The following SLIT3 variants were observed in gnomAD, a reference collection of about 807,000 sequenced individuals.
The protein encoded by SLIT3 is slit guidance ligand 3.
Under a neutral mutation model 184.0 loss-of-function variants are expected in SLIT3, and 68 were observed. The observed-to-expected ratio is 0.37, with a 90% CI of 0.30 to 0.45. The LOEUF is 0.45. Ranked by LOEUF, SLIT3 falls within the 20% of genes least tolerant of loss-of-function variation. SLIT3 has a pLI of 1.00. For missense variants in SLIT3, 1,707 were observed against 2,026.0 expected, an observed-to-expected ratio of 0.84 and a Z score of 3.02; for synonymous variants, 831 against 828.6, an observed-to-expected ratio of 1.00 and a Z score of -0.05.
intron 12 of SLIT3, among the ~76,000 whole-genome samples, chr5:168,777,099 ACACACACCCC>A (rs1490026773): frequency 0.12 from 7,439 of 62,170 alleles, 206 homozygotes; most frequent in East Asian, 0.17. Context: ...ACACACACAC[ACACACACCCC>A]CCATACCACA....
chr5:168,880,441 A>T (rs1561983897), intron 5 of SLIT3, among the ~76,000 whole-genome samples: 1 of 152,190 alleles, frequency 6.6e-6, no homozygotes, highest in Non-Finnish European at 1.5e-5. Flanking sequence ...CACATCTTAT[A>T]CAGTTTTGCC....
intron 5 of SLIT3, among the ~76,000 whole-genome samples, chr5:168,881,685 C>T (rs747545903): frequency 5.2e-4 from 79 of 152,226 alleles, no homozygotes; most frequent in Admixed American, 4.3e-3. Flanking sequence ...ATGCATGGAA[C>T]GAAATACTAG....
At chr5:168,843,149 C>T (rs948492712) in intron 6 of SLIT3, among the ~76,000 whole-genome samples, 2 of 152,126 alleles carry the variant, frequency 1.3e-5, no homozygotes, top group Admixed American at 6.5e-5. Flanking sequence ...CGGGAATTCT[C>T]GGCTTTCATC....
chr5:168,726,378 GAGGGAGGC>G lies in SLIT3; in HGVS notation c.2271-1902_2271-1895del, dbSNP rs1459236237. On this transcript the variant is annotated intron_variant, in intron 20 of 35. Transcript: ENST00000519560. ...GGAGGGAGAGGGAGGCAGGGAGGGA[GAGGGAGGC>G]AGGGAGGCAGAGGGAGGCAGGGAGG... 2.1e-3 allele frequency among the ~76,000 whole-genome samples: 160 copies of G among 74,808 alleles called. 1 individual carries two copies. Among genetic ancestry groups the G allele is most frequent in the African/African-American group, 6.7e-3 (147 of 22,036 alleles). 49.1% of individuals were successfully genotyped at this position (74,808 alleles called of 152,430 possible).
intron 3 of SLIT3, among the ~76,000 whole-genome samples, chr5:169,226,399 AC>A (rs143848784): frequency 2.0e-5 from 3 of 151,846 alleles, no homozygotes; most frequent in African/African-American, 4.8e-5. Flanking sequence ...GATCCCCACT[AC>A]CCCCCTACTC....
chr5:169,129,820 G>A (rs78454646), intron 4 of SLIT3, among the ~76,000 whole-genome samples: 1 of 149,980 alleles, frequency 6.7e-6, no homozygotes, highest in East Asian at 1.9e-4. Flanking sequence ...TTTCTTTGGT[G>A]GTTTTTTTTG....
intron 4 of SLIT3, among the ~76,000 whole-genome samples, chr5:169,107,998 T>A (rs1271658922): frequency 1.3e-5 from 2 of 152,202 alleles, no homozygotes; most frequent in African/African-American, 2.4e-5. Context: ...TCATTTTGAC[T>A]GTTACTTCCC....
chr5:168,900,223 T>C (rs1036177156), intron 4 of SLIT3, among the ~76,000 whole-genome samples: 1 of 152,146 alleles, frequency 6.6e-6, no homozygotes, highest in Non-Finnish European at 1.5e-5. Context: ...TGGAAAACAG[T>C]ATGGTGATTT....
Position 168,666,166 on chromosome 5 carries a change from A to AAAAC in SLIT3, c.*284_*287dup, listed in dbSNP as rs772406859. 4.8e-4 allele frequency: 124 copies of AAAAC among 259,862 alleles called. No homozygotes were observed. Among genetic ancestry groups the AAAAC allele is most frequent in the Non-Finnish European group, 7.7e-4 (108 of 140,618 alleles). 16.1% of individuals were successfully genotyped at this position (259,862 alleles called of 1,614,324 possible). On this transcript the variant is annotated 3_prime_UTR_variant, in exon 36 of 36. Transcript: ENST00000519560. ...TTAAATTTTTAAACAGCTATTTTTA[A>AAAAC]AAACACAACAAATACACAACACAAA...
intron 4 of SLIT3, among the ~76,000 whole-genome samples, chr5:168,950,191 C>G (rs1055792711): frequency 1.3e-5 from 2 of 152,042 alleles, no homozygotes; most frequent in African/African-American, 4.8e-5. Flanking sequence ...AAAGGGACCC[C>G]AGAGAGCTGC....
At chr5:168,912,352 T>C (rs1761278561) in intron 4 of SLIT3, among the ~76,000 whole-genome samples, 3 of 152,230 alleles carry the variant, frequency 2.0e-5, no homozygotes, top group Admixed American at 1.3e-4. Context: ...TCAAAAGTTA[T>C]ATGTGGATTT....
chr5:168,870,807 A>G (rs542420198), intron 5 of SLIT3, among the ~76,000 whole-genome samples: 1 of 152,348 alleles, frequency 6.6e-6, no homozygotes, highest in South Asian at 2.1e-4. Flanking sequence ...CACTGTTGAA[A>G]ATAACTATTT....
chr5:168,994,495 G>A (rs547750821), intron 4 of SLIT3, among the ~76,000 whole-genome samples: 6 of 151,916 alleles, frequency 3.9e-5, no homozygotes, highest in African/African-American at 1.5e-4. Flanking sequence ...CAAATTATCT[G>A]TTTTCACACC....
intron 28 of SLIT3, among the ~76,000 whole-genome samples, chr5:168,695,491 T>C (rs1356696945): frequency 6.6e-6 from 1 of 152,232 alleles, no homozygotes; most frequent in East Asian, 1.9e-4. Context: ...CTTCCCAAAC[T>C]TCTTGTCTCA....
chr5:169,151,257 T>A (rs1162888572), intron 4 of SLIT3, among the ~76,000 whole-genome samples: 5 of 152,210 alleles, frequency 3.3e-5, no homozygotes, highest in Non-Finnish European at 7.3e-5. Context: ...ATGCATCATT[T>A]GCAGCCCATT....
At chr5:168,853,994 T>A (rs1758767693) in intron 5 of SLIT3, among the ~76,000 whole-genome samples, 1 of 152,158 alleles carries the variant, frequency 6.6e-6, no homozygotes. Context: ...ATCCCTTCAT[T>A]CAAGCACTTA....
At chr5:169,263,615 C>G (rs1182550331) in intron 1 of SLIT3, 2 of 485,644 alleles carry the variant, frequency 4.1e-6, no homozygotes, top group African/African-American at 4.3e-5. Flanking sequence ...TACAGCAGCC[C>G]TAGCATACAG....
intron 3 of SLIT3, among the ~76,000 whole-genome samples, chr5:169,204,485 A>G (rs1460348958): frequency 1.3e-5 from 2 of 152,348 alleles, no homozygotes; most frequent in South Asian, 4.1e-4. Flanking sequence ...GGAAATCGTG[A>G]CATGCTTCAG....
chr5:168,769,305 T>A (rs1179528656), intron 14 of SLIT3, among the ~76,000 whole-genome samples: 1 of 152,190 alleles, frequency 6.6e-6, no homozygotes, highest in Non-Finnish European at 1.5e-5. Context: ...CACTTGGCAT[T>A]AGGCTGGAGA....
Sources: allele counts gnomAD v4.1 joint callset (sites outside exome capture counted in the v4.1 genomes callset), GRCh38; gene constraint gnomAD v4.1.1; transcripts MANE v1.5; gene names NCBI Gene and HGNC (gene_info 2026-07-23, HGNC 2026-07-21).